PIK3R6: variants seen among roughly 807,000 people sequenced by gnomAD.
PIK3R6 encodes the protein phosphoinositide 3-kinase regulatory subunit 6.
Under a neutral mutation model 84.9 loss-of-function variants are expected in PIK3R6, and 91 were observed. The observed-to-expected ratio is 1.07, with a 90% confidence interval of 0.90 to 1.28. PIK3R6 has a LOEUF of 1.28. Ranked by LOEUF, PIK3R6 falls within the 50% of genes most tolerant of loss-of-function variation. The probability of loss-of-function intolerance (pLI) is 0.00; values close to 1 mark genes in which losing one functional copy is unlikely to be tolerated. For synonymous variants in PIK3R6, 416 were observed against 411.4 expected (o/e 1.01, Z -0.13); for missense variants, 996 against 985.1 (o/e 1.01, Z -0.15).
intron 1 of PIK3R6, among the ~76,000 whole-genome samples, chr17:8,852,783 G>T (rs989979412): frequency 1.3e-4 from 20 of 150,414 alleles, no homozygotes; most frequent in Non-Finnish European, 2.7e-4. Context: ...TATGACAAAA[G>T]ATAATGACAT....
At chr17:8,835,964 T>A (rs2088445050) in intron 7 of PIK3R6, among the ~76,000 whole-genome samples, 1 of 152,114 alleles carries the variant, frequency 6.6e-6, no homozygotes, top group Non-Finnish European at 1.5e-5. Context: ...TTTCATGAAC[T>A]CAGCACCTCA....
chr17:8,866,682 C>T (rs934515726), intron 1 of PIK3R6, among the ~76,000 whole-genome samples: 1 of 152,092 alleles, frequency 6.6e-6, no homozygotes, highest in Non-Finnish European at 1.5e-5. Flanking sequence ...TGCCTCTTGC[C>T]TCCTCTTTGC....
intron 1 of PIK3R6, among the ~76,000 whole-genome samples, chr17:8,865,351 G>A (rs909203943): frequency 1.1e-4 from 17 of 152,144 alleles, no homozygotes; most frequent in African/African-American, 3.6e-4. Flanking sequence ...AATAAAGCCT[G>A]GGCAGAAAAG....
At chr17:8,867,171 G>A (rs950622931) in intron 1 of PIK3R6, among the ~76,000 whole-genome samples, 1 of 152,150 alleles carries the variant, frequency 6.6e-6, no homozygotes, top group African/African-American at 2.4e-5. Context: ...TCTAAATGCT[G>A]GTGAGAATCA....
intron 1 of PIK3R6, among the ~76,000 whole-genome samples, chr17:8,853,421 C>A (rs1295454936): frequency 7.6e-5 from 11 of 144,828 alleles, no homozygotes; most frequent in Admixed American, 7.1e-4. Context: ...GGCAGTGGAG[C>A]TTGCAGTGAG....
At chr17:8,838,244 C>A (rs2088551353) in intron 4 of PIK3R6, 3 of 426,580 alleles carry the variant, frequency 7.0e-6, no homozygotes, top group Non-Finnish European at 1.3e-5. Context: ...TTAGGTGGCC[C>A]GAGGATAATT....
chr17:8,815,572 T>C (rs1412137503), intron 18 of PIK3R6, among the ~76,000 whole-genome samples: 2 of 151,090 alleles, frequency 1.3e-5, no homozygotes, highest in Non-Finnish European at 2.9e-5. Context: ...TCCAAAGAAG[T>C]TGAAATTGTG....
chr17:8,807,464 T>C (rs956156713), intron 18 of PIK3R6, among the ~76,000 whole-genome samples: 1 of 151,926 alleles, frequency 6.6e-6, no homozygotes, highest in African/African-American at 2.4e-5. Flanking sequence ...ACAGAGGTGG[T>C]ACACTTAGCT....
chr17:8,832,549 A>AT (rs71135926), intron 9 of PIK3R6, among the ~76,000 whole-genome samples: 3,458 of 133,536 alleles, frequency 0.026, 122 homozygotes, highest in African/African-American at 0.075. Context: ...CGCCCAGCTG[A>AT]TTTTTTTTTT....
intron 18 of PIK3R6, among the ~76,000 whole-genome samples, chr17:8,815,854 T>C (rs537082447): frequency 6.6e-6 from 1 of 152,210 alleles, no homozygotes; most frequent in Non-Finnish European, 1.5e-5. Flanking sequence ...GGCAAGTCTT[T>C]CCTGGAAATT....
chr17:8,830,647 A>G (rs2088201853), intron 9 of PIK3R6, among the ~76,000 whole-genome samples: 1 of 152,132 alleles, frequency 6.6e-6, no homozygotes, highest in African/African-American at 2.4e-5. Flanking sequence ...ATTATCCTCA[A>G]TTTACAGGGG....
At chr17:8,828,276 C>A in intron 11 of PIK3R6, 86 bp from the exon 12 acceptor site, 2 of 1,392,634 alleles carry the variant, frequency 1.4e-6, no homozygotes, top group South Asian at 1.2e-5. Context: ...ATCTCTTGAC[C>A]TTGGGCAATT....
chr17:8,804,495 G>T (rs1021174111), intron 18 of PIK3R6, among the ~76,000 whole-genome samples: 2 of 152,170 alleles, frequency 1.3e-5, no homozygotes, highest in Non-Finnish European at 2.9e-5. Flanking sequence ...TATGACAGAC[G>T]TGTTAATGTA....
Position 8,857,226 on chromosome 17 carries a change from CCTT to C in PIK3R6, c.-91-7344_-91-7342del, listed in dbSNP as rs566897490. On this transcript the variant is annotated intron_variant, in intron 1 of 19. Transcript: ENST00000619866. ...GCAAATACTGGGATGGGGCGTGTCTCCTTCACTGCAGCATGTCCAGCATCTAGG... is the reference window on the plus strand; with the variant it reads ...GCAAATACTGGGATGGGGCGTGTCTCCACTGCAGCATGTCCAGCATCTAGG... Among the ~76,000 whole-genome samples, 6 of 152,178 alleles carry C rather than the reference CCTT, an allele frequency of 3.9e-5. No individual in the cohort carries two copies. The South Asian group carries it at 1.2e-3, about 31-fold the overall frequency.
intron 9 of PIK3R6, among the ~76,000 whole-genome samples, chr17:8,831,038 C>T (rs1330344102): frequency 2.0e-5 from 3 of 150,550 alleles, no homozygotes; most frequent in East Asian, 2.0e-4. Context: ...CCCAGCTACT[C>T]GGGAGGCTGA....
chr17:8,833,437 A>G (rs1555534517), intron 8 of PIK3R6, among the ~76,000 whole-genome samples: 1 of 152,120 alleles, frequency 6.6e-6, no homozygotes. Context: ...CTGCATCTCC[A>G]GCACTTAGAA....
At chr17:8,816,272 C>T (rs2087537665) in intron 18 of PIK3R6, among the ~76,000 whole-genome samples, 2 of 152,248 alleles carry the variant, frequency 1.3e-5, no homozygotes, top group Non-Finnish European at 2.9e-5. Context: ...AACAGGCATG[C>T]CATTTTCATT....
chr17:8,826,589 G>A (rs2087925364), intron 13 of PIK3R6, among the ~76,000 whole-genome samples: 1 of 152,134 alleles, frequency 6.6e-6, no homozygotes, highest in Admixed American at 6.5e-5. Flanking sequence ...AGAACACATG[G>A]ACACAGGGAG....
Position 8,803,176 on chromosome 17 carries a change from G to A in PIK3R6, c.*97C>T. On this transcript the variant is annotated 3_prime_UTR_variant, in exon 20 of 20. Transcript: ENST00000619866. The surrounding 1 kb of genome is among the most constrained non-coding windows in gnomAD (Gnocchi z 5.0). ...CTGGCTCCTGGTCAAGGCCAAAGCT[G>A]CCGTGTGGAGCCGGGCCTTGCTCTG... The A allele has an allele frequency of 6.6e-7, 1 of 1,506,150 alleles. No individual in the cohort carries two copies. The highest frequency in any genetic ancestry group is 9.1e-7 in the Non-Finnish European group (1 of 1,100,514). 93.3% of individuals were successfully genotyped at this position (1,506,150 alleles called of 1,614,324 possible).
Sources: allele counts gnomAD v4.1 joint callset (sites outside exome capture counted in the v4.1 genomes callset), GRCh38; gene constraint gnomAD v4.1.1; non-coding constraint Gnocchi (gnomAD v3.1); transcripts MANE v1.5; gene names NCBI Gene and HGNC (gene_info 2026-07-23, HGNC 2026-07-21).